Variants in DLGAP2 observed in about 807,000 individuals in gnomAD.
DLGAP2 encodes DLG associated protein 2, also known as disks large-associated protein 2.
Under a neutral mutation model 100.3 loss-of-function variants are expected in DLGAP2, and 26 were observed. That is an observed-to-expected ratio of 0.26 (90% CI 0.19 to 0.36). DLGAP2 has a LOEUF of 0.36. Among genes scored for constraint, DLGAP2 ranks in the 10% least tolerant of loss-of-function variants. The probability of loss-of-function intolerance (pLI) is 1.00; values close to 1 mark genes in which losing one functional copy is unlikely to be tolerated. For synonymous variants in DLGAP2, 886 were observed against 630.1 expected (o/e 1.41, Z -6.08); for missense variants, 1,858 against 1,453.2 (o/e 1.28, Z -4.53).
At chr8:1,473,348 A>G (rs1321625760) in intron 3 of DLGAP2, among the ~76,000 whole-genome samples, 1 of 152,232 alleles carries the variant, frequency 6.6e-6, no homozygotes, top group African/African-American at 2.4e-5. Flanking sequence ...ACTGCCACTC[A>G]GGGATGAGAG....
At chr8:777,645 A>T (rs1585852096) in intron 1 of DLGAP2, among the ~76,000 whole-genome samples, 1 of 152,102 alleles carries the variant, frequency 6.6e-6, no homozygotes, top group South Asian at 2.1e-4. Context: ...TCTGGGTTGA[A>T]AATTCTTTTC....
chr8:1,115,303 T>G (rs1299520080), intron 2 of DLGAP2, among the ~76,000 whole-genome samples: 1 of 152,212 alleles, frequency 6.6e-6, no homozygotes, highest in African/African-American at 2.4e-5. Flanking sequence ...CGTCTTCCAC[T>G]ATTATTGTGT....
chr8:741,511 C>T (rs1024847630), intron 1 of DLGAP2, among the ~76,000 whole-genome samples: 3 of 152,138 alleles, frequency 2.0e-5, no homozygotes, highest in South Asian at 2.1e-4. Context: ...TCTGACATCC[C>T]GGTGATGGGT....
chr8:919,909 G>C (rs1478492468), intron 2 of DLGAP2, among the ~76,000 whole-genome samples: 1 of 152,196 alleles, frequency 6.6e-6, no homozygotes, highest in Non-Finnish European at 1.5e-5. Context: ...CTGGGTAGCA[G>C]TTTTAATAAC....
At chr8:1,185,049 G>A (rs35658574) in intron 2 of DLGAP2, among the ~76,000 whole-genome samples, 34,605 of 151,944 alleles carry the variant, frequency 0.23, 4,839 homozygotes, top group Non-Finnish European at 0.32. Flanking sequence ...GAAGTGACTC[G>A]TTTCCCAGGA....
At chr8:1,426,815 CG>C (rs1305568443) in intron 3 of DLGAP2, among the ~76,000 whole-genome samples, 1 of 151,760 alleles carries the variant, frequency 6.6e-6, no homozygotes, top group Admixed American at 6.6e-5. Context: ...GTAAATTAGT[CG>C]TAAAAAAAAA....
intron 6 of DLGAP2, among the ~76,000 whole-genome samples, chr8:1,588,537 A>G (rs117204534): frequency 0.019 from 2,825 of 152,278 alleles, 39 homozygotes; most frequent in Middle Eastern, 0.041. Flanking sequence ...GTAAGTAAAT[A>G]TGTATTAAGG....
rs543298943 is a variant in DLGAP2 at position 1,345,546 on chromosome 8, C to T, written c.106+86663C>T. ...TTGTACACATTTTAATCTGATAAGC[C>T]ATCTTTATTGTCTTAAGAAAACACA... On this transcript the variant is annotated intron_variant, in intron 3 of 14. Transcript: ENST00000637795. 7.2e-5 allele frequency among the ~76,000 whole-genome samples: 11 copies of T among 152,242 alleles called. No homozygotes were observed. In the South Asian group the frequency reaches 2.1e-3, roughly 29 times the overall value.
At chr8:1,381,162 C>T (rs1244434665) in intron 3 of DLGAP2, 1 of 152,080 alleles carries the variant, frequency 6.6e-6, no homozygotes, top group South Asian at 2.1e-4. Context: ...CACGGCTGGA[C>T]AAGCAACCAG....
At chr8:1,671,307 G>A (rs1798684228) in intron 10 of DLGAP2, among the ~76,000 whole-genome samples, 1 of 152,258 alleles carries the variant, frequency 6.6e-6, no homozygotes, top group African/African-American at 2.4e-5. Flanking sequence ...GCAGCTCATA[G>A]ACAAAGCTGG....
intron 1 of DLGAP2, among the ~76,000 whole-genome samples, chr8:903,105 G>C (rs1054427683): frequency 6.6e-6 from 1 of 151,886 alleles, no homozygotes; most frequent in East Asian, 1.9e-4. Flanking sequence ...ATCCCCAAGC[G>C]GCCGTCAGAG....
chr8:783,199 G>A (rs892043227), intron 1 of DLGAP2, among the ~76,000 whole-genome samples: 3 of 151,976 alleles, frequency 2.0e-5, no homozygotes, highest in Non-Finnish European at 2.9e-5. Context: ...TGTCTTTTTT[G>A]CGCTGCTTAG....
chr8:1,202,874 C>A (rs775171376), intron 2 of DLGAP2, among the ~76,000 whole-genome samples: 18 of 152,370 alleles, frequency 1.2e-4, no homozygotes, highest in Non-Finnish European at 2.2e-4. Context: ...GTTAATCAGC[C>A]GCTGCCCACC....
intron 3 of DLGAP2, among the ~76,000 whole-genome samples, chr8:1,347,692 G>C (rs1264598497): frequency 6.6e-6 from 1 of 151,058 alleles, no homozygotes; most frequent in East Asian, 2.0e-4. Flanking sequence ...ACTGTCTGGA[G>C]GCTGAGTTCC....
At chr8:828,911 G>T (rs1301130089) in intron 1 of DLGAP2, among the ~76,000 whole-genome samples, 1 of 152,158 alleles carries the variant, frequency 6.6e-6, no homozygotes, top group Non-Finnish European at 1.5e-5. Context: ...ATATGTAATG[G>T]ATTCATGTTC....
chr8:1,368,953 G>A (rs549550368), intron 3 of DLGAP2: 3 of 152,268 alleles, frequency 2.0e-5, no homozygotes, highest in Admixed American at 6.5e-5. Context: ...TGTGCCAAAC[G>A]CAGGTCCTCC....
rs1801001594 is a variant in DLGAP2, at chr8:1,531,932, A to G, written c.173-16694A>G. Among the ~76,000 whole-genome samples the G allele has an allele frequency of 2.0e-5, 3 of 152,186 alleles. No homozygotes were observed. In the South Asian group the frequency reaches 6.2e-4, roughly 31 times the overall value. ...AAGAGGTCCTGAGGACATGTGCCCA[A>G]GGTGGTTGGGGCGCAGCTTGGTTTT... On this transcript the variant is annotated intron_variant, in intron 4 of 14. Coordinates refer to ENST00000637795, the MANE Select transcript of DLGAP2 (RefSeq NM_001346810.2).
At chr8:1,203,941 A>G (rs17669161) in intron 2 of DLGAP2, among the ~76,000 whole-genome samples, 23,368 of 152,150 alleles carry the variant, frequency 0.15, 2,135 homozygotes, top group Admixed American at 0.21. Flanking sequence ...GGGTGTGTGC[A>G]TGTCAAGTGT....
chr8:1,450,623 C>T (rs540656331), intron 3 of DLGAP2, among the ~76,000 whole-genome samples: 16 of 151,846 alleles, frequency 1.1e-4, no homozygotes, highest in African/African-American at 3.6e-4. Context: ...TTTTTCCTTT[C>T]CAAACTTTGT....
Sources: gnomAD v4.1 joint callset for allele counts (sites outside exome capture counted in the v4.1 genomes callset) on GRCh38, gnomAD v4.1.1 for gene constraint, MANE v1.5 for transcripts, NCBI Gene and HGNC (gene_info 2026-07-23, HGNC 2026-07-21) for gene names.